Variants in TRPV1 observed in about 807,000 individuals in gnomAD.
The protein encoded by TRPV1 is transient receptor potential cation channel subfamily V member 1.
A neutral mutation model predicts 82.3 loss-of-function variants in TRPV1; 82 were observed. The ratio of observed to expected loss-of-function variants is 1.00; its 90% CI spans 0.83 to 1.20. The LOEUF (loss-of-function observed/expected upper bound fraction) is 1.20, where lower values mean the gene tolerates loss of function less well. Among genes scored for constraint, TRPV1 ranks in the 50% most tolerant of loss-of-function variants. The pLI is 0.00. For synonymous variants in TRPV1, 515 were observed against 467.7 expected (o/e 1.10, Z -1.30); for missense variants, 1,067 against 1,096.8 (o/e 0.97, Z 0.38).
In TRPV1 at chr17:3,590,047, C is replaced by T; in HGVS notation, c.804G>A (p.Leu268=). Reference sequence around the variant, plus strand: ...CGGCCGTCTGCCAGGAGTTCTGCAGCAGGAACTTCACGATGCCCAGCTGGT... The same window carrying T: ...CGGCCGTCTGCCAGGAGTTCTGCAGTAGGAACTTCACGATGCCCAGCTGGT... ...CTNQLGIVKF[L]LQNSWQTADI... The change falls in exon 7 of 17, where the codon CTG becomes CTA. Residue 268 remains leucine, a synonymous_variant. Coordinates refer to ENST00000572705, the MANE Select transcript of TRPV1 (RefSeq NM_080704.4). The T allele has an allele frequency of 6.3e-7, 1 of 1,591,252 alleles. No homozygotes were observed.
intron 2 of TRPV1, among the ~76,000 whole-genome samples, chr17:3,600,612 A>G (rs978947418): frequency 5.9e-5 from 9 of 152,130 alleles, no homozygotes; most frequent in African/African-American, 2.2e-4. Context: ...GAAACAAAAC[A>G]AAAGACAGCA....
intron 10 of TRPV1, among the ~76,000 whole-genome samples, chr17:3,581,723 A>G (rs2075014359): frequency 1.4e-5 from 2 of 147,900 alleles, no homozygotes; most frequent in Admixed American, 6.9e-5. Context: ...CGTCTCTACT[A>G]AAAATACAAA....
At chr17:3,598,563 CTTTTTTTTTTT>C (rs57290148) in intron 2 of TRPV1, among the ~76,000 whole-genome samples, 1 of 116,808 alleles carries the variant, frequency 8.6e-6, no homozygotes, top group Non-Finnish European at 1.7e-5. Context: ...CGCTTAGTCA[CTTTTTTTTTTT>C]TTTTTTTTTT....
chr17:3,594,293 G>GA (rs1411870153), intron 2 of TRPV1, among the ~76,000 whole-genome samples: 1 of 151,434 alleles, frequency 6.6e-6, no homozygotes, highest in Non-Finnish European at 1.5e-5. Context: ...AGCCGCAGAA[G>GA]AAATGAGAGG....
At chr17:3,606,468 G>A (rs889616551) in intron 2 of TRPV1, among the ~76,000 whole-genome samples, 18 of 152,210 alleles carry the variant, frequency 1.2e-4, no homozygotes, top group African/African-American at 3.6e-4. Flanking sequence ...CCCTGTGCAC[G>A]TCCCACTGGC....
intron 9 of TRPV1, 128 bp from the exon 10 acceptor site, chr17:3,583,558 G>C (rs2075047651): frequency 1.3e-6 from 1 of 795,998 alleles, no homozygotes; most frequent in Non-Finnish European, 2.0e-6. Flanking sequence ...GACACACAAA[G>C]ACAGTGTGTT....
In TRPV1 at chr17:3,583,444, A is replaced by C. The variant is rs754178841; in HGVS notation, c.1384-14T>G. The C allele has an allele frequency of 1.9e-6, 3 of 1,577,286 alleles. No homozygotes were observed. Among genetic ancestry groups the C allele is most frequent in the Admixed American group, 3.6e-5 (2 of 55,598 alleles). On this transcript the variant is annotated splice_polypyrimidine_tract_variant and intron_variant, in intron 9 of 16. Coordinates refer to ENST00000572705, the MANE Select transcript of TRPV1 (RefSeq NM_080704.4). Reference sequence around the variant, plus strand: ...CTTAAAGGGAGGCTGTGAGATGCAGAGAAGTTGGTAACTCCATTTACTCAT... The same window carrying C: ...CTTAAAGGGAGGCTGTGAGATGCAGCGAAGTTGGTAACTCCATTTACTCAT...
At chr17:3,572,370 T>G in intron 14 of TRPV1, 121 bp from the exon 15 acceptor site, 2 of 1,233,922 alleles carry the variant, frequency 1.6e-6, no homozygotes, top group East Asian at 2.6e-5. Context: ...CCAGGGTGGT[T>G]GTCCAGTGCC....
intron 8 of TRPV1, among the ~76,000 whole-genome samples, chr17:3,587,810 T>A (rs1365334785): frequency 7.2e-6 from 1 of 139,560 alleles, no homozygotes; most frequent in Non-Finnish European, 1.5e-5. Context: ...CAAAACTTCG[T>A]CTCAAAAAAA....
At chr17:3,581,887 A>C (rs1473275932) in intron 10 of TRPV1, among the ~76,000 whole-genome samples, 1 of 66,214 alleles carries the variant, frequency 1.5e-5, no homozygotes, top group Non-Finnish European at 4.0e-5. Flanking sequence ...TCCATCTCAG[A>C]AAAAAAAAAA....
intron 10 of TRPV1, among the ~76,000 whole-genome samples, chr17:3,581,292 CTTAATT>C (rs1334244545): frequency 3.3e-5 from 5 of 151,802 alleles, no homozygotes; most frequent in African/African-American, 1.2e-4. Flanking sequence ...ATATTTTTTT[CTTAATT>C]TTAAGTAAGC....
intron 5 of TRPV1, among the ~76,000 whole-genome samples, chr17:3,590,754 C>G (rs1236206326): frequency 6.6e-6 from 1 of 152,048 alleles, no homozygotes; most frequent in Non-Finnish European, 1.5e-5. Flanking sequence ...GAGGAGACAT[C>G]AGATCGGGGA....
chr17:3,577,572 G>C (rs774655810), intron 12 of TRPV1, 26 bp downstream of exon 12: 8 of 1,561,556 alleles, frequency 5.1e-6, no homozygotes, highest in Non-Finnish European at 6.1e-6. Context: ...GCTCTGAGGA[G>C]ACCCACTGGG....
At chr17:3,588,591 C>T (rs1362882838) in intron 7 of TRPV1, among the ~76,000 whole-genome samples, 1 of 152,008 alleles carries the variant, frequency 6.6e-6, no homozygotes, top group East Asian at 1.9e-4. Flanking sequence ...GGTGGATCAC[C>T]TGAGGTCAGG....
At position 3,592,545 on chromosome 17, in the gene TRPV1, AC is replaced by A. The variant is rs1214841171; in HGVS notation, c.-33-163del. On this transcript the variant is annotated intron_variant, in intron 2 of 16. Coordinates refer to ENST00000572705, the MANE Select transcript of TRPV1 (RefSeq NM_080704.4). Reference sequence around the variant, plus strand: ...AGAACTGAAGTGTTTCCAGGACTGAACCTCTCACCCCAGAGGCCTCAGAGGT... The same window carrying A: ...AGAACTGAAGTGTTTCCAGGACTGAACTCTCACCCCAGAGGCCTCAGAGGT... 10 of 717,972 alleles carry A rather than the reference AC, an allele frequency of 1.4e-5. No homozygotes were observed. In the East Asian group the frequency reaches 2.5e-4, roughly 18 times the overall value. The allele number at this position is 717,972 out of a possible 1,614,324, so 44.5% of individuals were successfully genotyped here.
At position 3,577,203 on chromosome 17, in the gene TRPV1, C is replaced by G; in HGVS notation, c.1714-11G>C. On this transcript the variant is annotated splice_polypyrimidine_tract_variant and intron_variant, in intron 12 of 16. Transcript: ENST00000572705. Reference sequence around the variant, plus strand: ...GTCTCTCAGGATCATCTGCAGGAGACAGCAGGCTCATCAGAGCCGAGGCCA... The same window carrying G: ...GTCTCTCAGGATCATCTGCAGGAGAGAGCAGGCTCATCAGAGCCGAGGCCA... The G allele has an allele frequency of 6.4e-7, 1 of 1,574,258 alleles. No homozygotes were observed. Among genetic ancestry groups the G allele is most frequent in the Non-Finnish European group, 8.6e-7 (1 of 1,160,364 alleles).
At chr17:3,598,722 C>A (rs552465274) in intron 2 of TRPV1, among the ~76,000 whole-genome samples, 1 of 151,704 alleles carries the variant, frequency 6.6e-6, no homozygotes, top group African/African-American at 2.4e-5. Flanking sequence ...CGTGCCACCA[C>A]GCCTGGCTAA....
rs754707127 is a variant in TRPV1, at chr17:3,572,227, G to A, written c.2126C>T (p.Thr709Met). The change falls in exon 15 of 17, where the codon ACG (threonine) becomes ATG (methionine). Residue 709 changes from threonine to methionine, a missense_variant. Transcript: ENST00000572705. Reference sequence around the variant, plus strand: ...CATGCACTTAAGGAAGCTCTTCTCCGTGTCCAGGATGGTGATGGCTCTCTG... The same window carrying A: ...CATGCACTTAAGGAAGCTCTTCTCCATGTCCAGGATGGTGATGGCTCTCTG... ...KLQRAITILDTEKSFLKCMRK... is the reference protein window; with the variant it reads ...KLQRAITILDMEKSFLKCMRK... The A allele has an allele frequency of 9.9e-6, 16 of 1,610,106 alleles. No individual in the cohort carries two copies. Among genetic ancestry groups the A allele is most frequent in the East Asian group, 2.2e-5 (1 of 44,836 alleles).
intron 2 of TRPV1, among the ~76,000 whole-genome samples, chr17:3,604,622 AG>A (rs1465006040): frequency 2.0e-5 from 3 of 151,778 alleles, no homozygotes; most frequent in Non-Finnish European, 4.4e-5. Context: ...AAAAAGAAAA[AG>A]AAAAAGAAAA....
Sources: gnomAD v4.1 joint callset for allele counts (sites outside exome capture counted in the v4.1 genomes callset) on GRCh38, gnomAD v4.1.1 for gene constraint, MANE v1.5 for transcripts, NCBI Gene and HGNC (gene_info 2026-07-23, HGNC 2026-07-21) for gene names.